The following CTNNA2 variants were observed in gnomAD, a reference collection of about 807,000 sequenced individuals.
CTNNA2 encodes the protein catenin alpha-2.
Under a neutral mutation model 101.0 loss-of-function variants are expected in CTNNA2, and 42 were observed. The ratio of observed to expected loss-of-function variants is 0.42; its 90% CI spans 0.32 to 0.54. The LOEUF (loss-of-function observed/expected upper bound fraction) is 0.54. Ranked by LOEUF, CTNNA2 falls within the 20% of genes least tolerant of loss-of-function variation. CTNNA2 has a pLI of 0.14. For missense variants in CTNNA2, 871 were observed against 1,223.1 expected, an observed-to-expected ratio of 0.71 and a Z score of 4.29; for synonymous variants, 450 against 456.4, an observed-to-expected ratio of 0.99 and a Z score of 0.18.
At chr2:79,642,463 C>T (rs1327149193) in intron 1 of CTNNA2, among the ~76,000 whole-genome samples, 1 of 152,172 alleles carries the variant, frequency 6.6e-6, no homozygotes, top group Non-Finnish European at 1.5e-5. Flanking sequence ...GTTCACTGAG[C>T]CAGGGCTTTG....
intron 7 of CTNNA2, among the ~76,000 whole-genome samples, chr2:80,321,070 G>A (rs898154892): frequency 6.6e-6 from 1 of 152,116 alleles, no homozygotes; most frequent in Non-Finnish European, 1.5e-5. Flanking sequence ...TATGCTAGAT[G>A]GCACAGATAT....
At chr2:80,628,229 C>T (rs1434991261) in intron 18 of CTNNA2, among the ~76,000 whole-genome samples, 6 of 151,968 alleles carry the variant, frequency 3.9e-5, no homozygotes, top group Non-Finnish European at 7.4e-5. Context: ...CATCAAGCTA[C>T]CATTGACTTT....
At chr2:79,699,857 A>T (rs930092239) in intron 2 of CTNNA2, among the ~76,000 whole-genome samples, 6 of 148,232 alleles carry the variant, frequency 4.0e-5, no homozygotes, top group African/African-American at 1.5e-4. Context: ...ATATGTATTT[A>T]TATACATATG....
intron 7 of CTNNA2, among the ~76,000 whole-genome samples, chr2:80,361,359 T>A (rs2149317460): frequency 6.6e-6 from 1 of 152,210 alleles, no homozygotes; most frequent in East Asian, 1.9e-4. Context: ...TTATATTAGT[T>A]TTTTTACTCA....
Position 80,619,133 on chromosome 2 carries a change from G to C in CTNNA2, c.2479G>C (p.Val827Leu), listed in dbSNP as rs747843196. 3 of 1,552,230 alleles carry C rather than the reference G, an allele frequency of 1.9e-6. No individual in the cohort carries two copies. The highest frequency in any genetic ancestry group is 2.6e-6 in the Non-Finnish European group (3 of 1,147,452). The change falls in exon 18 of 19, where the codon GTC becomes CTC. Residue 827 changes from valine to leucine, a missense_variant. Around this residue, in one of 5 missense-constraint regions of CTNNA2, gnomAD observed 65 missense variants for 53.3 expected, o/e 1.22. Coordinates refer to ENST00000402739, the MANE Select transcript of CTNNA2 (RefSeq NM_001282597.3). ...TACCTTTTATGAGGTAGATTGTGAT[G>C]TCATAGATGGGGGCAGGGCTAGTCA... Reference protein sequence around the residue: ...FTTFYEVDCDVIDGGRASQLS... With the variant: ...FTTFYEVDCDLIDGGRASQLS...
intron 2 of CTNNA2, among the ~76,000 whole-genome samples, chr2:79,684,424 T>A (rs1300074669): frequency 6.6e-6 from 1 of 152,200 alleles, no homozygotes; most frequent in Non-Finnish European, 1.5e-5. Flanking sequence ...TGTAGTTTAT[T>A]CTTAACATAT....
At position 79,388,453 on chromosome 2, in the gene CTNNA2, G is replaced by T. The variant is rs78031276; in HGVS notation, c.-135+14440G>T. ...AAGTATAGAACCAGAAATATTTAGT[G>T]AACAGAATTATTGACTATTTAGGTC... On this transcript the variant is annotated intron_variant, in intron 4 of 21. Transcript: ENST00000466387. Among the ~76,000 whole-genome samples the T allele has an allele frequency of 0.017, 2,636 of 152,248 alleles. 149 individuals carry two copies. In the East Asian group the frequency reaches 0.18, roughly 10 times the overall value.
intron 2 of CTNNA2, among the ~76,000 whole-genome samples, chr2:79,311,257 A>G (rs986439725): frequency 6.6e-6 from 1 of 151,904 alleles, no homozygotes; most frequent in Non-Finnish European, 1.5e-5. Flanking sequence ...AAAATACAAA[A>G]AATTAGCCCG....
chr2:79,237,489 C>G (rs1674571605), intron 2 of CTNNA2, among the ~76,000 whole-genome samples: 1 of 152,074 alleles, frequency 6.6e-6, no homozygotes. Context: ...CTGCATTAGC[C>G]CTTAACAAAT....
At chr2:80,419,021 G>C (rs1444814754) in intron 8 of CTNNA2, among the ~76,000 whole-genome samples, 2 of 152,168 alleles carry the variant, frequency 1.3e-5, no homozygotes, top group Non-Finnish European at 2.9e-5. Flanking sequence ...AGACTGCACA[G>C]TGGCCAAGTT....
intron 4 of CTNNA2, among the ~76,000 whole-genome samples, chr2:79,379,225 G>T (rs1340457798): frequency 6.6e-6 from 1 of 152,098 alleles, no homozygotes; most frequent in Non-Finnish European, 1.5e-5. Flanking sequence ...CATAACTTAG[G>T]TTGGCCTGTC....
chr2:80,240,262 A>G (rs1472321071), intron 7 of CTNNA2, among the ~76,000 whole-genome samples: 1 of 152,202 alleles, frequency 6.6e-6, no homozygotes, highest in Non-Finnish European at 1.5e-5. Flanking sequence ...ATGATCAACA[A>G]CATAAGTCAT....
chr2:80,554,574 A>AG (rs926798535), intron 11 of CTNNA2, among the ~76,000 whole-genome samples: 4 of 152,168 alleles, frequency 2.6e-5, no homozygotes, highest in African/African-American at 9.7e-5. Flanking sequence ...GGATAGAAAG[A>AG]GGGTAGAAAG....
chr2:79,724,863 A>C (rs749191937), intron 2 of CTNNA2, among the ~76,000 whole-genome samples: 3 of 149,430 alleles, frequency 2.0e-5, no homozygotes, highest in Non-Finnish European at 4.5e-5. Flanking sequence ...ATAATGAGTG[A>C]GTTATGACTT....
At position 79,598,022 on chromosome 2, in the gene CTNNA2, T is replaced by C. The variant is rs537546457; in HGVS notation, c.-5-53530T>C. 2.6e-5 allele frequency among the ~76,000 whole-genome samples: 4 copies of C among 152,352 alleles called. No individual in the cohort carries two copies. The South Asian group carries it at 8.3e-4, about 32-fold the overall frequency. ...TGTTTGCCACATACTTAGAATCGTA[T>C]GGAATGTCATACAGTTAAACTTCAG... On this transcript the variant is annotated intron_variant, in intron 1 of 18. Coordinates refer to ENST00000402739, the MANE Select transcript of CTNNA2 (RefSeq NM_001282597.3).
intron 8 of CTNNA2, among the ~76,000 whole-genome samples, chr2:80,395,282 C>T (rs1171203129): frequency 1.3e-5 from 2 of 152,096 alleles, no homozygotes; most frequent in Non-Finnish European, 2.9e-5. Context: ...TACCTTTCTC[C>T]AAAATATAGA....
chr2:79,626,169 G>A (rs1003136582), intron 1 of CTNNA2, among the ~76,000 whole-genome samples: 1 of 152,158 alleles, frequency 6.6e-6, no homozygotes, highest in Non-Finnish European at 1.5e-5. Flanking sequence ...TCCTCAAGCA[G>A]CATTTTAATA....
rs873154 is a variant in CTNNA2, at chr2:79,194,942, G to A, written c.-523-3017G>A. Among the ~76,000 whole-genome samples the A allele has an allele frequency of 3.0e-3, 455 of 152,008 alleles. 1 individual carries two copies. The highest frequency in any genetic ancestry group is 0.01 in the African/African-American group (421 of 41,480). On this transcript the variant is annotated intron_variant, in intron 1 of 21. Transcript: ENST00000466387. ...ACTTAATAACCTCAAGCAATACTTC[G>A]TGAAAGCTCTCTTTGTTCTTTTGGA...
At chr2:79,275,299 A>G (rs977982651) in intron 2 of CTNNA2, among the ~76,000 whole-genome samples, 14 of 152,040 alleles carry the variant, frequency 9.2e-5, no homozygotes, top group Non-Finnish European at 2.9e-5. Flanking sequence ...AAGACCCCGG[A>G]AAAGATAATC....
Sources: allele counts gnomAD v4.1 joint callset (sites outside exome capture counted in the v4.1 genomes callset), GRCh38; gene constraint gnomAD v4.1.1; regional missense constraint gnomAD v4.1.1; transcripts MANE v1.5; gene names NCBI Gene and HGNC (gene_info 2026-07-23, HGNC 2026-07-21).